Variants in CPLANE1 observed in about 807,000 individuals in gnomAD.
CPLANE1 encodes the protein ciliogenesis and planar polarity effector complex subunit 1.
CPLANE1 carries 263 observed loss-of-function variants against 362.5 expected under a neutral mutation model. The ratio of observed to expected loss-of-function variants is 0.73; its 90% CI spans 0.66 to 0.80. CPLANE1 has a LOEUF of 0.80. Ranked by LOEUF, CPLANE1 falls within the 30% of genes least tolerant of loss-of-function variation. The pLI is 0.00. For synonymous variants in CPLANE1, 1,212 were observed against 1,302.6 expected (o/e 0.93, Z 1.50); for missense variants, 3,461 against 3,793.4 (o/e 0.91, Z 2.30).
chr5:37,137,734 A>T (rs1487470221), intron 46 of CPLANE1, among the ~76,000 whole-genome samples: 2 of 152,192 alleles, frequency 1.3e-5, no homozygotes, highest in Admixed American at 1.3e-4. Flanking sequence ...GAAGCCCCTT[A>T]TAATACCATC....
Position 37,226,589 on chromosome 5 carries a change from T to G in CPLANE1, c.2006A>C (p.Lys669Thr), listed in dbSNP as rs1330748126. The change falls in exon 12 of 53, where the codon AAA (lysine) becomes ACA (threonine). Residue 669 changes from lysine to threonine, a missense_variant. Around this residue, in one of 2 missense-constraint regions of CPLANE1, gnomAD observed 3,380 missense variants for 3,666.1 expected, o/e 0.92. Coordinates refer to ENST00000651892, the MANE Select transcript of CPLANE1 (RefSeq NM_001384732.1). The stretch of plus-strand genomic sequence containing the variant: ...CTTTTGTTGCTGAGTCAGCAAAAGT[T>G]TTACAGTATTTGAGGTCAGCTTTAT... The part of the protein sequence containing the change: ...HLIKLTSNTV[K>T]LLLTQQQKGQ... The G allele has an allele frequency of 1.3e-6, 2 of 1,551,094 alleles. No homozygotes were observed. Among genetic ancestry groups the G allele is most frequent in the Admixed American group, 3.9e-5 (2 of 50,912 alleles).
intron 51 of CPLANE1, among the ~76,000 whole-genome samples, chr5:37,110,409 C>T (rs1394051127): frequency 6.6e-6 from 1 of 152,166 alleles, no homozygotes; most frequent in Non-Finnish European, 1.5e-5. Flanking sequence ...TAACAATCTC[C>T]TTTTCATCAT....
Position 37,187,493 on chromosome 5 carries a change from A to G in CPLANE1, c.4001T>C (p.Phe1334Ser). 1.2e-6 allele frequency: 2 copies of G among 1,613,730 alleles called. No individual in the cohort carries two copies. Among genetic ancestry groups the G allele is most frequent in the South Asian group, 2.2e-5 (2 of 91,044 alleles). The change falls in exon 23 of 53, where the codon TTC (phenylalanine) becomes TCC (serine). Residue 1334 changes from phenylalanine to serine, a missense_variant. Phe to Ser is a radical substitution (Grantham distance 155). Transcript: ENST00000651892. ...TTCTTCCATATTAAAAAACCGAGAG[A>G]AAGGCAGCATTCTATAAGCCCATTC... ...AVEWAYRMLP[F>S]SRFFNMEELI...
chr5:37,245,731 C>T lies in CPLANE1; in HGVS notation c.196G>A (p.Val66Ile). The T allele has an allele frequency of 6.5e-7, 1 of 1,530,152 alleles. No homozygotes were observed. 94.8% of individuals were successfully genotyped at this position (1,530,152 alleles called of 1,614,324 possible). ...SLQPFLKDVIVLTTSSNDAWL... is the reference protein window; with the variant it reads ...SLQPFLKDVIILTTSSNDAWL... ...TAACCATTACTGGATGTTGTTAGGACAATAACATCCTTCAAGAAAGGCTGC... is the reference window on the plus strand; with the variant it reads ...TAACCATTACTGGATGTTGTTAGGATAATAACATCCTTCAAGAAAGGCTGC... The change falls in exon 3 of 53, where the codon GTC (valine) becomes ATC (isoleucine). Residue 66 changes from valine to isoleucine, a missense_variant. Around this residue, in one of 2 missense-constraint regions of CPLANE1, gnomAD observed 3,380 missense variants for 3,666.1 expected, o/e 0.92. Transcript: ENST00000651892.
At chr5:37,215,609 T>C (rs1793831097) in intron 15 of CPLANE1, among the ~76,000 whole-genome samples, 1 of 152,008 alleles carries the variant, frequency 6.6e-6, no homozygotes, top group African/African-American at 2.4e-5. Context: ...TATGTGCACA[T>C]ACACCTAAGA....
At chr5:37,077,831 A>G in the CPLANE1 span, among the ~76,000 whole-genome samples, 5 of 151,768 alleles carry the variant, frequency 3.3e-5, no homozygotes, top group Admixed American at 6.6e-5. Context: ...GCCTAAACTG[A>G]TCTTGATCTC....
At chr5:37,130,500 A>G (rs1316714768) in intron 46 of CPLANE1, 4 of 217,094 alleles carry the variant, frequency 1.8e-5, no homozygotes, top group Non-Finnish European at 3.0e-5. Context: ...ACAACTTTAT[A>G]AGGCTAAAAA....
Position 37,209,288 on chromosome 5 carries a change from C to CT in CPLANE1, c.2921-2864dup, listed in dbSNP as rs1239564694. ...GCAGGGATTCCCCCTCGTCTTGGCC[C>CT]TACAGCCCCAGCTGGGCACTAAACT... On this transcript the variant is annotated intron_variant, in intron 16 of 52. Coordinates refer to ENST00000651892, the MANE Select transcript of CPLANE1 (RefSeq NM_001384732.1). The surrounding 1 kb of genome is among the most constrained non-coding windows in gnomAD (Gnocchi z 4.6). 1 of 747,058 alleles carries CT rather than the reference C, an allele frequency of 1.3e-6. No individual in the cohort carries two copies. The highest frequency in any genetic ancestry group is 2.5e-5 in the East Asian group (1 of 39,544). 46.3% of individuals were successfully genotyped at this position (747,058 alleles called of 1,614,324 possible).
intron 43 of CPLANE1, among the ~76,000 whole-genome samples, chr5:37,143,310 A>G (rs1050121814): frequency 2.6e-5 from 4 of 152,238 alleles, no homozygotes; most frequent in Non-Finnish European, 5.9e-5. Flanking sequence ...GACAGTCAGT[A>G]TGCAGATTCA....
At chr5:37,206,475 T>A (rs980931438) in intron 16 of CPLANE1, 50 bp from the exon 17 acceptor site, 7 of 1,202,408 alleles carry the variant, frequency 5.8e-6, no homozygotes, top group Non-Finnish European at 8.4e-6. Flanking sequence ...TCCAAACTCA[T>A]GCTTCTTTAC....
At chr5:37,232,524 A>G (rs1255357715) in intron 8 of CPLANE1, among the ~76,000 whole-genome samples, 1 of 147,778 alleles carries the variant, frequency 6.8e-6, no homozygotes, top group Non-Finnish European at 1.5e-5. Flanking sequence ...CTTGGGGGAA[A>G]AAAAAAAAAA....
chr5:37,172,883 G>T (rs1240647744), intron 32 of CPLANE1, among the ~76,000 whole-genome samples: 1 of 152,190 alleles, frequency 6.6e-6, no homozygotes, highest in African/African-American at 2.4e-5. Flanking sequence ...CTACTCAGGA[G>T]GCTGAGGCAG....
chr5:37,164,289 G>A lies in CPLANE1; in HGVS notation c.7572C>T (p.Asp2524=), dbSNP rs1284656558. Residue 2524 remains aspartate, a synonymous_variant, in exon 37 of 53, where the codon GAC becomes GAT. Transcript: ENST00000651892. ...QEHCGSHPLD[D]FDVPFEMLQD... ...CATACATACCAAAAGGAACGTCGAA[G>A]TCATCCAAAGGATGGGAACCACAAT... The A allele has an allele frequency of 1.2e-6, 2 of 1,612,518 alleles. No individual in the cohort carries two copies. The highest frequency in any genetic ancestry group is 2.2e-5 in the East Asian group (1 of 44,844).
chr5:37,186,437 CT>C (rs752477804), intron 23 of CPLANE1, 43 bp from the exon 24 acceptor site: 114 of 826,866 alleles, frequency 1.4e-4, no homozygotes, highest in South Asian at 2.5e-4. Flanking sequence ...AAACATCATT[CT>C]TTTTTTTTCT....
chr5:37,084,231 A>G, the CPLANE1 span, among the ~76,000 whole-genome samples: 2 of 152,218 alleles, frequency 1.3e-5, no homozygotes, highest in South Asian at 4.1e-4. Flanking sequence ...AAATGCTGAG[A>G]GAATTCACCA....
In CPLANE1 at chr5:37,157,890, CAA is replaced by C. The variant is rs1459475601; in HGVS notation, c.7813-24_7813-23del. On this transcript the variant is annotated intron_variant, in intron 39 of 52. Coordinates refer to ENST00000651892, the MANE Select transcript of CPLANE1 (RefSeq NM_001384732.1). Reference sequence around the variant, plus strand: ...CAACCTGAGCCAAAACACATAAAACCAAAGAGGGTTACATTCTTTTTACTCTA... The same window carrying C: ...CAACCTGAGCCAAAACACATAAAACCAGAGGGTTACATTCTTTTTACTCTA... The C allele has an allele frequency of 2.7e-6, 3 of 1,103,144 alleles. No individual in the cohort carries two copies. In the Admixed American group the frequency reaches 8.0e-5, roughly 29 times the overall value. 68.3% of individuals were successfully genotyped at this position (1,103,144 alleles called of 1,614,324 possible).
chr5:37,228,804 T>G (rs559434093), intron 9 of CPLANE1, among the ~76,000 whole-genome samples: 1 of 152,264 alleles, frequency 6.6e-6, no homozygotes, highest in South Asian at 2.1e-4. Flanking sequence ...TACTATACTT[T>G]CATAATCAGA....
At chr5:37,239,601 CCAGAAAG>C in intron 7 of CPLANE1, 105 bp downstream of exon 7, 1 of 496,308 alleles carries the variant, frequency 2.0e-6, no homozygotes, top group East Asian at 4.4e-5. Context: ...AAAAAAAAAA[CCAGAAAG>C]AAAAAAAAAA....
chr5:37,180,853 T>G lies in CPLANE1; in HGVS notation c.5570+4A>C. Reference sequence around the variant, plus strand: ...TGAAAAGAAGAGTATAATCGGCAACTTACTTCAAGATATTTTGACAAGATT... The same window carrying G: ...TGAAAAGAAGAGTATAATCGGCAACGTACTTCAAGATATTTTGACAAGATT... On this transcript the variant is annotated splice_donor_region_variant and intron_variant, in intron 27 of 52. Transcript: ENST00000651892. 1 of 1,613,664 alleles carries G rather than the reference T, an allele frequency of 6.2e-7. No homozygotes were observed. The highest frequency in any genetic ancestry group is 8.5e-7 in the Non-Finnish European group (1 of 1,179,700).
Sources: gnomAD v4.1 joint callset for allele counts (sites outside exome capture counted in the v4.1 genomes callset) on GRCh38, gnomAD v4.1.1 for gene constraint, gnomAD v4.1.1 regional missense constraint, Gnocchi (gnomAD v3.1) non-coding constraint, MANE v1.5 for transcripts, NCBI Gene and HGNC (gene_info 2026-07-23, HGNC 2026-07-21) for gene names.